MECOM: variants seen among roughly 807,000 people sequenced by gnomAD.
MECOM encodes the protein MDS1 and EVI1 complex locus.
Under a neutral mutation model 116.3 loss-of-function variants are expected in MECOM, and 13 were observed. The observed-to-expected ratio is 0.11, with a 90% confidence interval of 0.07 to 0.18. MECOM has a LOEUF of 0.18. MECOM is among the 10% of genes least tolerant of loss of function. The pLI, the probability that MECOM is intolerant of heterozygous loss-of-function variation, is 1.00. For synonymous variants in MECOM, 528 were observed against 535.2 expected (o/e 0.99, Z 0.19); for missense variants, 1,299 against 1,509.0 (o/e 0.86, Z 2.31).
intron 2 of MECOM, among the ~76,000 whole-genome samples, chr3:169,337,889 A>G (rs1489986405): frequency 6.6e-6 from 1 of 152,218 alleles, no homozygotes; most frequent in Non-Finnish European, 1.5e-5. Context: ...CAGGAAAATA[A>G]AGATGATATC....
intron 1 of MECOM, among the ~76,000 whole-genome samples, chr3:169,531,693 C>T (rs774527064): frequency 1.3e-5 from 2 of 152,186 alleles, no homozygotes; most frequent in Non-Finnish European, 2.9e-5. Context: ...AATGACTACT[C>T]ATGGGTCCAA....
intron 1 of MECOM, among the ~76,000 whole-genome samples, chr3:169,559,880 C>G (rs1177789056): frequency 1.3e-5 from 2 of 152,122 alleles, no homozygotes; most frequent in Non-Finnish European, 2.9e-5. Context: ...AATTAACTGA[C>G]TTGTAAAGGA....
intron 2 of MECOM, among the ~76,000 whole-genome samples, chr3:169,339,210 AG>A (rs1441621730): frequency 6.6e-6 from 1 of 152,202 alleles, no homozygotes; most frequent in African/African-American, 2.4e-5. Context: ...GCATTACATA[AG>A]GGCTTCAAGT....
intron 1 of MECOM, among the ~76,000 whole-genome samples, chr3:169,597,950 T>C (rs1331638046): frequency 1.3e-5 from 2 of 152,172 alleles, no homozygotes; most frequent in African/African-American, 4.8e-5. Context: ...CTACAAAAAC[T>C]TAGGCTGTAA....
intron 1 of MECOM, among the ~76,000 whole-genome samples, chr3:169,476,329 C>T (rs1750369728): frequency 6.6e-6 from 1 of 152,174 alleles, no homozygotes; most frequent in Non-Finnish European, 1.5e-5. Flanking sequence ...TAACTCTTAT[C>T]TAACCACCAT....
At chr3:169,308,691 G>C (rs1210147818) in intron 2 of MECOM, among the ~76,000 whole-genome samples, 1 of 152,052 alleles carries the variant, frequency 6.6e-6, no homozygotes, top group South Asian at 2.1e-4. Context: ...CCAAATAAAG[G>C]TATTTAACTC....
chr3:169,318,969 G>A (rs2149746634), intron 2 of MECOM, among the ~76,000 whole-genome samples: 1 of 151,916 alleles, frequency 6.6e-6, no homozygotes, highest in African/African-American at 2.4e-5. Context: ...CATGGTGGTG[G>A]GTGCCTGTAA....
In MECOM at chr3:169,167,690, C is replaced by G. The variant is rs964998094; in HGVS notation, c.376-23858G>C. Among the ~76,000 whole-genome samples the G allele has an allele frequency of 4.6e-5, 7 of 152,096 alleles. No homozygotes were observed. The South Asian group carries it at 6.2e-4, about 14-fold the overall frequency. On this transcript the variant is annotated intron_variant, in intron 2 of 16. Coordinates refer to ENST00000651503, the MANE Select transcript of MECOM (RefSeq NM_004991.4). ...AAAGTATACTTTACAGATATGTGAT[C>G]TATACTTCTATGAATAGACATGTAA... is the stretch of plus-strand genomic sequence containing the variant.
At chr3:169,480,142 A>G (rs768655279) in intron 1 of MECOM, among the ~76,000 whole-genome samples, 5 of 152,216 alleles carry the variant, frequency 3.3e-5, no homozygotes, top group African/African-American at 4.8e-5. Flanking sequence ...AGACTAACAT[A>G]TTGACATGTG....
At chr3:169,569,098 T>C (rs190634009) in intron 1 of MECOM, among the ~76,000 whole-genome samples, 1 of 151,434 alleles carries the variant, frequency 6.6e-6, no homozygotes. Context: ...AGGAGACCCA[T>C]CTCATGTTCA....
chr3:169,589,800 C>G (rs1766190368), intron 1 of MECOM, among the ~76,000 whole-genome samples: 1 of 152,160 alleles, frequency 6.6e-6, no homozygotes, highest in South Asian at 2.1e-4. Flanking sequence ...TGCCTACAAA[C>G]CTATACATCC....
chr3:169,238,891 T>TTA (rs1291988124), intron 2 of MECOM, among the ~76,000 whole-genome samples: 2 of 152,150 alleles, frequency 1.3e-5, no homozygotes, highest in African/African-American at 4.8e-5. Context: ...AAAATATGTA[T>TTA]TATGATTAAT....
intron 1 of MECOM, among the ~76,000 whole-genome samples, chr3:169,472,248 C>T (rs1303235579): frequency 1.3e-5 from 2 of 150,366 alleles, no homozygotes; most frequent in Non-Finnish European, 3.0e-5. Context: ...GAGGTTAGTT[C>T]ACCCAATGGT....
intron 2 of MECOM, among the ~76,000 whole-genome samples, chr3:169,255,368 T>A (rs1756742591): frequency 1.3e-5 from 2 of 152,082 alleles, no homozygotes; most frequent in Non-Finnish European, 2.9e-5. Flanking sequence ...ACCTGGAGAC[T>A]TCATTTTTTT....
chr3:169,287,552 A>C (rs1360071724), intron 2 of MECOM, among the ~76,000 whole-genome samples: 1 of 152,172 alleles, frequency 6.6e-6, no homozygotes, highest in Non-Finnish European at 1.5e-5. Flanking sequence ...ATTTTTGTTG[A>C]TTTACTTTAG....
chr3:169,631,742 G>A (rs569128792), intron 1 of MECOM, among the ~76,000 whole-genome samples: 10 of 151,598 alleles, frequency 6.6e-5, no homozygotes, highest in African/African-American at 2.2e-4. Context: ...ATAGTTTACC[G>A]AGAATGATGA....
At chr3:169,485,708 C>T (rs1415698188) in intron 1 of MECOM, among the ~76,000 whole-genome samples, 2 of 151,272 alleles carry the variant, frequency 1.3e-5, no homozygotes, top group African/African-American at 4.9e-5. Flanking sequence ...GATACACTCC[C>T]TTTACTTTTC....
chr3:169,607,329 T>C (rs555145834), intron 1 of MECOM, among the ~76,000 whole-genome samples: 65 of 152,232 alleles, frequency 4.3e-4, no homozygotes, highest in Non-Finnish European at 2.9e-4. Context: ...ACTCATGCCA[T>C]GTGGCTTTTT....
intron 2 of MECOM, among the ~76,000 whole-genome samples, chr3:169,199,506 T>C (rs1054774025): frequency 1.2e-4 from 18 of 152,192 alleles, no homozygotes; most frequent in African/African-American, 4.3e-4. Flanking sequence ...CTCAAACTCC[T>C]GGCCTCAAGT....
Sources: allele counts gnomAD v4.1 joint callset (sites outside exome capture counted in the v4.1 genomes callset), GRCh38; gene constraint gnomAD v4.1.1; transcripts MANE v1.5; gene names NCBI Gene and HGNC (gene_info 2026-07-23, HGNC 2026-07-21).